NSUN6: variants seen among roughly 807,000 people sequenced by gnomAD.
The protein encoded by NSUN6 is tRNA (cytosine(72)-C(5))-methyltransferase NSUN6.
NSUN6 carries 64 observed loss-of-function variants against 58.0 expected under a neutral mutation model. The observed-to-expected ratio is 1.10, with a 90% CI of 0.90 to 1.36. The LOEUF is 1.36. Among genes scored for constraint, NSUN6 ranks in the 40% most tolerant of loss-of-function variants. The probability of loss-of-function intolerance (pLI) is 0.00; values close to 1 mark genes in which losing one functional copy is unlikely to be tolerated. For synonymous variants in NSUN6, 231 were observed against 193.9 expected, an observed-to-expected ratio of 1.19 and a Z score of -1.59; for missense variants, 701 against 550.1, an observed-to-expected ratio of 1.27 and a Z score of -2.74.
intron 9 of NSUN6, 38 bp downstream of exon 9, chr10:18,551,785 A>G: frequency 6.3e-7 from 1 of 1,587,708 alleles, no homozygotes; most frequent in Non-Finnish European, 8.6e-7. Flanking sequence ...AAAGTAGCAA[A>G]AGTTAACTTT....
At chr10:18,629,894 C>T (rs1180874984) in intron 3 of NSUN6, among the ~76,000 whole-genome samples, 2 of 148,940 alleles carry the variant, frequency 1.3e-5, no homozygotes. Flanking sequence ...CAGCTCTGCA[C>T]CAAGCGGACC....
intron 1 of NSUN6, among the ~76,000 whole-genome samples, chr10:18,650,319 G>A (rs868479189): frequency 6.6e-6 from 1 of 151,814 alleles, no homozygotes; most frequent in Non-Finnish European, 1.5e-5. Flanking sequence ...ATAGACAACA[G>A]GCTTTGCAAT....
intron 8 of NSUN6, among the ~76,000 whole-genome samples, chr10:18,566,152 C>A (rs922909001): frequency 7.4e-6 from 1 of 135,296 alleles, no homozygotes; most frequent in Non-Finnish European, 1.7e-5. Context: ...ATTCCATTCT[C>A]CATTCCATTC....
intron 1 of NSUN6, among the ~76,000 whole-genome samples, chr10:18,650,156 C>T (rs1189343377): frequency 6.6e-6 from 1 of 152,050 alleles, no homozygotes; most frequent in Non-Finnish European, 1.5e-5. Flanking sequence ...ACAAAATTAA[C>T]ATTTTTTGAA....
chr10:18,610,110 A>C (rs550198487), intron 5 of NSUN6, among the ~76,000 whole-genome samples, 184 bp from the exon 6 acceptor site: 1 of 152,286 alleles, frequency 6.6e-6, no homozygotes, highest in East Asian at 1.9e-4. Flanking sequence ...ACTTGAGGTC[A>C]GGAGTTCAAG....
chr10:18,560,653 GGAATGGA>G (rs1193128190), intron 8 of NSUN6, among the ~76,000 whole-genome samples: 3 of 142,436 alleles, frequency 2.1e-5, no homozygotes, highest in Non-Finnish European at 3.1e-5. Context: ...AATGGAGAAT[GGAATGGA>G]GAATGGAGAA....
intron 7 of NSUN6, among the ~76,000 whole-genome samples, chr10:18,594,705 A>C (rs1262450552): frequency 1.3e-5 from 2 of 152,066 alleles, no homozygotes; most frequent in Non-Finnish European, 2.9e-5. Context: ...TGTGGCTCAA[A>C]TATTTCTATT....
At chr10:18,562,806 G>GAGTGGAGAATGA (rs2055631895) in intron 8 of NSUN6, among the ~76,000 whole-genome samples, 1 of 150,806 alleles carries the variant, frequency 6.6e-6, no homozygotes, top group African/African-American at 2.4e-5. Flanking sequence ...GTGGAGAATG[G>GAGTGGAGAATGA]AATGAAAGGG....
intron 8 of NSUN6, among the ~76,000 whole-genome samples, chr10:18,581,838 A>G (rs1421848432): frequency 2.0e-5 from 3 of 151,436 alleles, no homozygotes; most frequent in Non-Finnish European, 2.9e-5. Context: ...AAAAAAAAAA[A>G]GGGAAACCAG....
At chr10:18,546,531 G>A (rs2054273255) in intron 10 of NSUN6, among the ~76,000 whole-genome samples, 1 of 152,056 alleles carries the variant, frequency 6.6e-6, no homozygotes, top group East Asian at 1.9e-4. Context: ...TAACGAAGGT[G>A]GTATCACACC....
At chr10:18,629,686 T>C (rs1462517680) in intron 3 of NSUN6, among the ~76,000 whole-genome samples, 16 of 151,500 alleles carry the variant, frequency 1.1e-4, no homozygotes, top group Admixed American at 7.9e-4. Flanking sequence ...AAGGGATCAA[T>C]TCAACAAGAA....
At chr10:18,579,449 C>T (rs2056809224) in intron 8 of NSUN6, among the ~76,000 whole-genome samples, 1 of 152,176 alleles carries the variant, frequency 6.6e-6, no homozygotes, top group African/African-American at 2.4e-5. Context: ...GGATTACATG[C>T]GTGAGCCACG....
chr10:18,582,053 T>C (rs555921939), intron 8 of NSUN6, among the ~76,000 whole-genome samples: 1 of 152,224 alleles, frequency 6.6e-6, no homozygotes, highest in Admixed American at 6.5e-5. Context: ...CGTTCTTCCC[T>C]TACCAGCCGA....
intron 8 of NSUN6, among the ~76,000 whole-genome samples, chr10:18,568,005 A>G (rs1170144582): frequency 2.1e-5 from 3 of 145,934 alleles, no homozygotes; most frequent in Non-Finnish European, 4.5e-5. Flanking sequence ...ATTCCTTTCT[A>G]TTCACCACTG....
intron 6 of NSUN6, among the ~76,000 whole-genome samples, chr10:18,596,622 T>G (rs745976051): frequency 1.3e-5 from 2 of 152,156 alleles, no homozygotes; most frequent in Non-Finnish European, 2.9e-5. Flanking sequence ...AAAAAATAAA[T>G]AAATAAATAA....
intron 6 of NSUN6, among the ~76,000 whole-genome samples, chr10:18,596,747 G>A (rs917663450): frequency 6.6e-6 from 1 of 152,088 alleles, no homozygotes; most frequent in Non-Finnish European, 1.5e-5. Context: ...CAAAATTTTG[G>A]TCTCAGCGGT....
At chr10:18,588,174 C>G (rs149266483) in intron 7 of NSUN6, among the ~76,000 whole-genome samples, 1 of 152,142 alleles carries the variant, frequency 6.6e-6, no homozygotes, top group Non-Finnish European at 1.5e-5. Context: ...AAGAATTGAC[C>G]GCAGCACAGC....
At chr10:18,585,653 G>GA (rs1197691074) in intron 8 of NSUN6, among the ~76,000 whole-genome samples, 1 of 152,132 alleles carries the variant, frequency 6.6e-6, no homozygotes, top group Non-Finnish European at 1.5e-5. Context: ...GGGGAGGAGG[G>GA]AGGACCAAGG....
intron 2 of NSUN6, among the ~76,000 whole-genome samples, chr10:18,648,030 C>T (rs147903599): frequency 0.014 from 2,116 of 152,274 alleles, 20 homozygotes; most frequent in Non-Finnish European, 0.024. Context: ...TGAGCCACCA[C>T]GCCTGGCCCA....
Sources: gnomAD v4.1 joint callset for allele counts (sites outside exome capture counted in the v4.1 genomes callset) on GRCh38, gnomAD v4.1.1 for gene constraint, MANE v1.5 for transcripts, NCBI Gene and HGNC (gene_info 2026-07-23, HGNC 2026-07-21) for gene names.